RASA1: variants seen among roughly 807,000 people sequenced by gnomAD.
RASA1 encodes ras GTPase-activating protein 1.
RASA1 carries 25 observed loss-of-function variants against 132.2 expected under a neutral mutation model. The observed-to-expected ratio is 0.19, with a 90% confidence interval of 0.14 to 0.26. RASA1 has a LOEUF of 0.26. Among genes scored for constraint, RASA1 ranks in the 10% least tolerant of loss-of-function variants. RASA1 has a pLI of 1.00. For synonymous variants in RASA1, 477 were observed against 449.9 expected (o/e 1.06, Z -0.76); for missense variants, 964 against 1,299.2 (o/e 0.74, Z 3.97).
chr5:87,280,548 A>T (rs1216957405), intron 1 of RASA1, among the ~76,000 whole-genome samples: 2 of 151,856 alleles, frequency 1.3e-5, no homozygotes, highest in Admixed American at 6.6e-5. Flanking sequence ...CCTGACCTCA[A>T]GTGATCCACC....
Position 87,362,538 on chromosome 5 carries a change from T to C in RASA1, c.1333-13T>C, listed in dbSNP as rs764983913. 8.9e-6 allele frequency: 14 copies of C among 1,581,512 alleles called. No homozygotes were observed. In the South Asian group the frequency reaches 1.6e-4, roughly 18 times the overall value. On this transcript the variant is annotated splice_polypyrimidine_tract_variant and intron_variant, in intron 9 of 24. Transcript: ENST00000274376. Reference sequence around the variant, plus strand: ...GAATGTATGAAATAATTTTAATGTTTTTTAAAATTCAGGATCAAGAACAAG... The same window carrying C: ...GAATGTATGAAATAATTTTAATGTTCTTTAAAATTCAGGATCAAGAACAAG...
chr5:87,379,941 CTAA>C, intron 19 of RASA1, 91 bp downstream of exon 19: 2 of 1,276,814 alleles, frequency 1.6e-6, no homozygotes, highest in South Asian at 1.3e-5. Context: ...TTCTGTTGTC[CTAA>C]TATTATTATA....
At position 87,349,998 on chromosome 5, in the gene RASA1, A is replaced by G. The variant is rs1224630318; in HGVS notation, c.1253+634A>G. Among the ~76,000 whole-genome samples, 4 of 151,778 alleles carry G rather than the reference A, an allele frequency of 2.6e-5. No homozygotes were observed. The East Asian group carries it at 7.7e-4, about 29-fold the overall frequency. On this transcript the variant is annotated intron_variant, in intron 8 of 24. Coordinates refer to ENST00000274376, the MANE Select transcript of RASA1 (RefSeq NM_002890.3). Reference sequence around the variant, plus strand: ...CGTAAAGGTTTTCCTATAACTAATAACTCTCTATTTCCTATTTCAGAGGCT... The same window carrying G: ...CGTAAAGGTTTTCCTATAACTAATAGCTCTCTATTTCCTATTTCAGAGGCT...
rs938967739 is a variant in RASA1 at position 87,372,447 on chromosome 5, A to G, written c.1776+252A>G. ...ACAACACTAAACCAACACAGCAGAAACGGTTCTGTTGGGCACTTAATTTTC... is the reference window on the plus strand; with the variant it reads ...ACAACACTAAACCAACACAGCAGAAGCGGTTCTGTTGGGCACTTAATTTTC... On this transcript the variant is annotated intron_variant, in intron 13 of 24. Transcript: ENST00000274376. Among the ~76,000 whole-genome samples the G allele has an allele frequency of 3.3e-5, 5 of 152,294 alleles. No individual in the cohort carries two copies. In the East Asian group the frequency reaches 7.7e-4, roughly 23 times the overall value.
chr5:87,349,783 T>G (rs1759126281), intron 8 of RASA1, among the ~76,000 whole-genome samples: 1 of 151,926 alleles, frequency 6.6e-6, no homozygotes, highest in African/African-American at 2.4e-5. Flanking sequence ...AACTGAGTTC[T>G]TCTCAAGTTG....
intron 1 of RASA1, among the ~76,000 whole-genome samples, chr5:87,324,407 A>C (rs898757480): frequency 2.6e-5 from 4 of 152,124 alleles, no homozygotes; most frequent in African/African-American, 9.7e-5. Context: ...GGTAGTAAAA[A>C]CTTCACAATC....
intron 1 of RASA1, among the ~76,000 whole-genome samples, chr5:87,289,764 C>T (rs906131996): frequency 1.3e-5 from 2 of 152,244 alleles, no homozygotes; most frequent in Admixed American, 6.5e-5. Flanking sequence ...ATGCATGCCA[C>T]CATGCCCAGC....
intron 9 of RASA1, among the ~76,000 whole-genome samples, chr5:87,353,507 G>T (rs1759431529): frequency 6.6e-6 from 1 of 151,930 alleles, no homozygotes; most frequent in African/African-American, 2.4e-5. Context: ...TTTTTTGGAG[G>T]CAAAAGTAGA....
Position 87,300,081 on chromosome 5 carries a change from C to T in RASA1, c.539+31091C>T, listed in dbSNP as rs1159628533. 3.3e-5 allele frequency among the ~76,000 whole-genome samples: 5 copies of T among 151,926 alleles called. No homozygotes were observed. In the South Asian group the frequency reaches 6.3e-4, roughly 19 times the overall value. ...TTAGTGTTGCTTATTAAGAGTTAAG[C>T]GGAGGGCTGGGTGCAGTTGGCTCAT... On this transcript the variant is annotated intron_variant, in intron 1 of 24. Coordinates refer to ENST00000274376, the MANE Select transcript of RASA1 (RefSeq NM_002890.3).
intron 22 of RASA1, among the ~76,000 whole-genome samples, chr5:87,386,292 T>A (rs1295196717): frequency 6.6e-6 from 1 of 152,066 alleles, no homozygotes; most frequent in Non-Finnish European, 1.5e-5. Flanking sequence ...AGCATGGTTT[T>A]AAGTAGTCAG....
At chr5:87,346,590 AC>A (rs1758877862) in intron 6 of RASA1, 81 bp from the exon 7 acceptor site, 1 of 796,256 alleles carries the variant, frequency 1.3e-6, no homozygotes, top group Middle Eastern at 3.6e-4. Flanking sequence ...AATTAAACTT[AC>A]TATATTGGTT....
intron 11 of RASA1, among the ~76,000 whole-genome samples, chr5:87,367,833 A>T (rs370763758): frequency 1.2e-4 from 19 of 152,090 alleles, no homozygotes; most frequent in African/African-American, 4.6e-4. Context: ...TTTCGTTGTC[A>T]TTCAAATTGT....
intron 1 of RASA1, among the ~76,000 whole-genome samples, chr5:87,326,559 A>G (rs1757245457): frequency 6.6e-6 from 1 of 152,156 alleles, no homozygotes; most frequent in Non-Finnish European, 1.5e-5. Flanking sequence ...GCAAAGAAGA[A>G]GAGAGAGGGA....
intron 1 of RASA1, among the ~76,000 whole-genome samples, chr5:87,317,750 C>G (rs1400682493): frequency 6.6e-6 from 1 of 151,890 alleles, no homozygotes; most frequent in Non-Finnish European, 1.5e-5. Flanking sequence ...ATTCTCATGC[C>G]TCAGCCTCCT....
intron 1 of RASA1, among the ~76,000 whole-genome samples, chr5:87,330,008 T>C (rs1286107587): frequency 6.6e-6 from 1 of 152,144 alleles, no homozygotes. Flanking sequence ...GATTAGGATT[T>C]TAGAGGAATG....
chr5:87,355,315 A>T (rs1360533223), intron 9 of RASA1, among the ~76,000 whole-genome samples: 1 of 152,216 alleles, frequency 6.6e-6, no homozygotes, highest in Non-Finnish European at 1.5e-5. Context: ...TGGTGACTTT[A>T]GGTTGAAACC....
intron 1 of RASA1, among the ~76,000 whole-genome samples, chr5:87,309,017 A>AG (rs1448832415): frequency 1.3e-5 from 2 of 152,142 alleles, no homozygotes; most frequent in African/African-American, 2.4e-5. Context: ...ATTTTCACAG[A>AG]GGGGAAAAAT....
At position 87,362,721 on chromosome 5, in the gene RASA1, A is replaced by G. The variant is rs368078512; in HGVS notation, c.1453+50A>G. 1.3e-4 allele frequency: 211 copies of G among 1,570,488 alleles called. 1 individual carries two copies. The highest frequency in any genetic ancestry group is 1.0e-3 in the Middle Eastern group (6 of 5,946). ...CCCATTTGATAGAGACGTTGTAAAT[A>G]TGGAGCTCCGAACTTATTGTGATAT... On this transcript the variant is annotated intron_variant, in intron 10 of 24. Coordinates refer to ENST00000274376, the MANE Select transcript of RASA1 (RefSeq NM_002890.3).
At chr5:87,330,906 A>T (rs779407872) in intron 1 of RASA1, 2 of 1,338,048 alleles carry the variant, frequency 1.5e-6, no homozygotes, top group South Asian at 3.6e-5. Flanking sequence ...CACAAACACT[A>T]AAATGGAATA....
Sources: gnomAD v4.1 joint callset for allele counts (sites outside exome capture counted in the v4.1 genomes callset) on GRCh38, gnomAD v4.1.1 for gene constraint, MANE v1.5 for transcripts, NCBI Gene and HGNC (gene_info 2026-07-23, HGNC 2026-07-21) for gene names.